PTPRJ: variants seen among roughly 807,000 people sequenced by gnomAD.
PTPRJ encodes the protein receptor-type tyrosine-protein phosphatase eta.
Under a neutral mutation model 141.3 loss-of-function variants are expected in PTPRJ, and 129 were observed. The observed-to-expected ratio is 0.91, with a 90% CI of 0.79 to 1.06. PTPRJ has a LOEUF of 1.06. PTPRJ is among the 50% of genes least tolerant of loss of function. The pLI is 0.00. For synonymous variants in PTPRJ, 610 were observed against 640.5 expected, an observed-to-expected ratio of 0.95 and a Z score of 0.72; for missense variants, 1,601 against 1,679.7, an observed-to-expected ratio of 0.95 and a Z score of 0.82.
intron 1 of PTPRJ, among the ~76,000 whole-genome samples, chr11:47,987,896 C>G (rs1160901401): frequency 6.6e-6 from 1 of 152,192 alleles, no homozygotes; most frequent in South Asian, 2.1e-4. Context: ...ATTTTGAAAA[C>G]GAGGCAGTGT....
chr11:48,088,275 T>G (rs1429485313), intron 1 of PTPRJ, among the ~76,000 whole-genome samples: 1 of 152,208 alleles, frequency 6.6e-6, no homozygotes, highest in African/African-American at 2.4e-5. Flanking sequence ...GGAGGCTGCC[T>G]TTTAACAGAG....
intron 10 of PTPRJ, among the ~76,000 whole-genome samples, chr11:48,138,561 C>T (rs916658352): frequency 6.6e-6 from 1 of 152,132 alleles, no homozygotes; most frequent in Non-Finnish European, 1.5e-5. Context: ...TTTCTATTTA[C>T]ATCAGTTTGA....
intron 1 of PTPRJ, among the ~76,000 whole-genome samples, chr11:48,059,897 G>A (rs1009778590): frequency 2.0e-5 from 3 of 152,352 alleles, no homozygotes; most frequent in Admixed American, 6.5e-5. Context: ...CACCATACCT[G>A]CTGCTGCCGG....
At position 48,053,290 on chromosome 11, in the gene PTPRJ, A is replaced by T. The variant is rs1260962395; in HGVS notation, c.97-56768A>T. Among the ~76,000 whole-genome samples, 5 of 91,188 alleles carry T rather than the reference A, an allele frequency of 5.5e-5. No individual in the cohort carries two copies. In the East Asian group the frequency reaches 7.7e-4, roughly 14 times the overall value. 59.8% of individuals were successfully genotyped at this position (91,188 alleles called of 152,430 possible). A position where few individuals can be genotyped will look rare whatever the true frequency, so the allele number is the denominator to read the frequency against. On this transcript the variant is annotated intron_variant, in intron 1 of 24. Coordinates refer to ENST00000418331, the MANE Select transcript of PTPRJ (RefSeq NM_002843.4). ...TTATATAAATATATAAATATATAAA[A>T]ATATATAAAATATATAAATATATAA...
chr11:48,126,581 G>T (rs71477910), intron 6 of PTPRJ, among the ~76,000 whole-genome samples: 3 of 151,934 alleles, frequency 2.0e-5, no homozygotes, highest in African/African-American at 4.8e-5. Context: ...AGACTCCCTG[G>T]GTCTTCACGT....
chr11:48,000,059 A>C (rs1187599203), intron 1 of PTPRJ, among the ~76,000 whole-genome samples: 1 of 150,960 alleles, frequency 6.6e-6, no homozygotes, highest in Non-Finnish European at 1.5e-5. Flanking sequence ...GGGTTTCACC[A>C]TGTTGGCCAG....
In PTPRJ at chr11:48,121,187, G is replaced by A. The variant is rs147857415; in HGVS notation, c.537G>A (p.Ala179=). 1.6e-5 allele frequency: 26 copies of A among 1,613,954 alleles called. No individual in the cohort carries two copies. The highest frequency in any genetic ancestry group is 2.2e-5 in the East Asian group (1 of 44,892). ...GTAACATCACAGGCTTACGTCCAGC[G>A]ACTTCATATGTATTCTCCATCACTC... is the stretch of plus-strand genomic sequence containing the variant. ...PWCNITGLRP[A]TSYVFSITPG... Residue 179 remains alanine (A), a synonymous_variant, in exon 4 of 25, where the codon GCG becomes GCA. Transcript: ENST00000418331.
chr11:47,993,285 GTTTA>G (rs1157553670), intron 1 of PTPRJ, among the ~76,000 whole-genome samples: 3 of 152,042 alleles, frequency 2.0e-5, no homozygotes, highest in Non-Finnish European at 4.4e-5. Flanking sequence ...TGCATTTGTA[GTTTA>G]TTTGTTTGTT....
intron 1 of PTPRJ, among the ~76,000 whole-genome samples, chr11:48,070,275 G>T (rs1324908349): frequency 1.3e-5 from 2 of 152,172 alleles, no homozygotes; most frequent in African/African-American, 4.8e-5. Flanking sequence ...GCTGAGGTGG[G>T]TGGATCACTT....
At position 48,123,594 on chromosome 11, in the gene PTPRJ, T is replaced by C; in HGVS notation, c.617-19T>C. The C allele has an allele frequency of 6.2e-7, 1 of 1,608,382 alleles. No individual in the cohort carries two copies. Among genetic ancestry groups the C allele is most frequent in the Non-Finnish European group, 8.5e-7 (1 of 1,177,030 alleles). ...GCATATATCTTGTTCCATTAATGCA[T>C]GTTGTATTTTTAAAATAGAGCCGAT... is the stretch of plus-strand genomic sequence containing the variant. On this transcript the variant is annotated intron_variant, in intron 4 of 24. Transcript: ENST00000418331.
Position 47,980,800 on chromosome 11 carries a change from G to C in PTPRJ, c.-113G>C. The stretch of plus-strand genomic sequence containing the variant: ...GGAGCGGGGACGAGGCGGACCGGCT[G>C]GCGGAGGAGGAGGCGAAGGAGACGG... On this transcript the variant is annotated 5_prime_UTR_variant, in exon 1 of 25. Transcript: ENST00000418331. 3 of 1,039,812 alleles carry C rather than the reference G, an allele frequency of 2.9e-6. No individual in the cohort carries two copies. The highest frequency in any genetic ancestry group is 3.5e-6 in the Non-Finnish European group (3 of 867,610). The allele number at this position is 1,039,812 out of a possible 1,614,324, so 64.4% of individuals were successfully genotyped here.
chr11:48,067,561 T>C (rs1339879303), intron 1 of PTPRJ, among the ~76,000 whole-genome samples: 1 of 152,220 alleles, frequency 6.6e-6, no homozygotes. Flanking sequence ...GTGTTCTTTT[T>C]CTTTCCCCCT....
intron 1 of PTPRJ, among the ~76,000 whole-genome samples, chr11:48,102,964 G>C (rs1856186363): frequency 6.6e-6 from 1 of 152,098 alleles, no homozygotes; most frequent in African/African-American, 2.4e-5. Flanking sequence ...GGTGTTCTGG[G>C]TTGAGTTGCT....
chr11:48,020,862 G>A (rs547479124), intron 1 of PTPRJ, among the ~76,000 whole-genome samples: 3 of 152,352 alleles, frequency 2.0e-5, no homozygotes, highest in African/African-American at 7.2e-5. Flanking sequence ...GATTTGGACA[G>A]TCCACCTCAG....
At chr11:47,996,228 G>A (rs1854331821) in intron 1 of PTPRJ, among the ~76,000 whole-genome samples, 1 of 151,542 alleles carries the variant, frequency 6.6e-6, no homozygotes, top group Admixed American at 6.6e-5. Context: ...CCAGCTACTC[G>A]GGAGGCTGAG....
intron 1 of PTPRJ, among the ~76,000 whole-genome samples, chr11:48,067,815 G>A (rs1855124661): frequency 6.6e-6 from 1 of 152,206 alleles, no homozygotes; most frequent in East Asian, 1.9e-4. Context: ...CCTGCAAAAA[G>A]CTATGATAGG....
intron 1 of PTPRJ, among the ~76,000 whole-genome samples, chr11:48,037,146 A>G (rs1441512200): frequency 6.6e-6 from 1 of 152,220 alleles, no homozygotes; most frequent in Non-Finnish European, 1.5e-5. Context: ...ACTTTTGTAG[A>G]GTGCCTCGGA....
rs1267575619 is a variant in PTPRJ, at chr11:48,123,802, A to C, written c.806A>C (p.Asn269Thr). Residue 269 changes from asparagine (N) to threonine (T), a missense_variant, in exon 5 of 25, where the codon AAC (asparagine) becomes ACC (threonine). Asn to Thr is a moderately conservative substitution (Grantham distance 65). Coordinates refer to ENST00000418331, the MANE Select transcript of PTPRJ (RefSeq NM_002843.4). ...ISGLKPGVQY[N>T]INPYLLQSNK... Reference sequence around the variant, plus strand: ...GGCCTGAAGCCAGGGGTTCAATACAACATCAACCCGTATCTTCTACAATCA... The same window carrying C: ...GGCCTGAAGCCAGGGGTTCAATACACCATCAACCCGTATCTTCTACAATCA... 3.1e-6 allele frequency: 5 copies of C among 1,613,956 alleles called. No homozygotes were observed. Among genetic ancestry groups the C allele is most frequent in the Non-Finnish European group, 4.2e-6 (5 of 1,179,970 alleles).
intron 3 of PTPRJ, among the ~76,000 whole-genome samples, chr11:48,114,890 C>T (rs75905178): frequency 0.03 from 4,631 of 152,006 alleles, 247 homozygotes; most frequent in African/African-American, 0.11. Context: ...AATTCTGAAG[C>T]TAAAAAATAC....
Sources: allele counts gnomAD v4.1 joint callset (sites outside exome capture counted in the v4.1 genomes callset), GRCh38; gene constraint gnomAD v4.1.1; transcripts MANE v1.5; gene names NCBI Gene and HGNC (gene_info 2026-07-23, HGNC 2026-07-21).